The following DGKG variants were observed in gnomAD, a reference collection of about 807,000 sequenced individuals.
DGKG encodes DAG kinase gamma.
DGKG carries 78 observed loss-of-function variants against 105.3 expected under a neutral mutation model. That is an observed-to-expected ratio of 0.74 (90% CI 0.62 to 0.89). The LOEUF (loss-of-function observed/expected upper bound fraction) is 0.89, where lower values mean the gene tolerates loss of function less well. Ranked by LOEUF, DGKG falls within the 40% of genes least tolerant of loss-of-function variation. The pLI is 0.00. For synonymous variants in DGKG, 346 were observed against 367.1 expected (o/e 0.94, Z 0.66); for missense variants, 958 against 1,020.1 (o/e 0.94, Z 0.83).
intron 22 of DGKG, among the ~76,000 whole-genome samples, chr3:186,175,066 G>A (rs1184935310): frequency 2.0e-4 from 30 of 152,306 alleles, no homozygotes; most frequent in Non-Finnish European, 1.5e-5. Context: ...TGGAATTGTG[G>A]TGTCTGTTCT....
chr3:186,148,974 T>A lies in DGKG; in HGVS notation c.*1116A>T, dbSNP rs1715627671. 1 of 733,320 alleles carries A rather than the reference T, an allele frequency of 1.4e-6. No homozygotes were observed. 45.4% of individuals were successfully genotyped at this position (733,320 alleles called of 1,614,324 possible). A position where few individuals can be genotyped will look rare whatever the true frequency, so the allele number is the denominator to read the frequency against. On this transcript the variant is annotated 3_prime_UTR_variant, in exon 25 of 25. Coordinates refer to ENST00000265022, the MANE Select transcript of DGKG (RefSeq NM_001346.3). The stretch of plus-strand genomic sequence containing the variant: ...AAATAAATATTTATATATATATATA[T>A]ATAAATATATAGGCTAAATATATAT...
intron 1 of DGKG, among the ~76,000 whole-genome samples, chr3:186,341,296 A>G (rs1726074082): frequency 6.6e-6 from 1 of 152,234 alleles, no homozygotes; most frequent in South Asian, 2.1e-4. Flanking sequence ...AAGGACTTGC[A>G]TCTACTAAGC....
At position 186,339,564 on chromosome 3, in the gene DGKG, A is replaced by T. The variant is rs548428991; in HGVS notation, c.-248-18857T>A. Among the ~76,000 whole-genome samples, 4 of 152,314 alleles carry T rather than the reference A, an allele frequency of 2.6e-5. No individual in the cohort carries two copies. In the South Asian group the frequency reaches 8.3e-4, roughly 32 times the overall value. On this transcript the variant is annotated intron_variant, in intron 1 of 24. Transcript: ENST00000265022. ...TCAATTTCAATAAAAAATACAGCTA[A>T]TGGGTTCCTCAGTTCAAACTAATTA...
rs749426735 is a variant in DGKG at position 186,279,976 on chromosome 3, G to A, written c.670-3C>T. 6.2e-6 allele frequency: 10 copies of A among 1,613,714 alleles called. No individual in the cohort carries two copies. The highest frequency in any genetic ancestry group is 4.2e-6 in the Non-Finnish European group (5 of 1,179,814). On this transcript the variant is annotated splice_polypyrimidine_tract_variant and splice_region_variant and intron_variant, in intron 8 of 24. Coordinates refer to ENST00000265022, the MANE Select transcript of DGKG (RefSeq NM_001346.3). ...CCTTGCAGCATCTCCTTCAATATCT[G>A]TGGAATCCAAAGAGCAATCATTGTC...
At chr3:186,261,607 G>A in intron 15 of DGKG, 92 bp downstream of exon 15, 3 of 915,300 alleles carry the variant, frequency 3.3e-6, no homozygotes, top group Non-Finnish European at 5.3e-6. Context: ...GAGTCTGCCT[G>A]TCTCCACAGC....
rs80325150 is a variant in DGKG at position 186,235,423 on chromosome 3, A to G, written c.1826+7081T>C. 2.0e-5 allele frequency among the ~76,000 whole-genome samples: 3 copies of G among 152,320 alleles called. No individual in the cohort carries two copies. In the East Asian group the frequency reaches 5.8e-4, roughly 29 times the overall value. On this transcript the variant is annotated intron_variant, in intron 20 of 24. Transcript: ENST00000265022. ...GCCAAATATTAGATGAAGAGAGGCAAAGCCTAATTCAGGGCACAGAATGAA... is the reference window on the plus strand; with the variant it reads ...GCCAAATATTAGATGAAGAGAGGCAGAGCCTAATTCAGGGCACAGAATGAA...
intron 3 of DGKG, among the ~76,000 whole-genome samples, chr3:186,300,118 T>A (rs912668353): frequency 6.6e-6 from 1 of 152,174 alleles, no homozygotes; most frequent in African/African-American, 2.4e-5. Context: ...ATTACTGGCG[T>A]GAGGCACCAT....
chr3:186,155,253 C>T (rs1426872431), intron 24 of DGKG, among the ~76,000 whole-genome samples: 2 of 152,132 alleles, frequency 1.3e-5, no homozygotes, highest in East Asian at 1.9e-4. Context: ...AGTGCAACGG[C>T]GTGATCTCGG....
At chr3:186,196,549 T>C (rs538028510) in intron 21 of DGKG, among the ~76,000 whole-genome samples, 4 of 152,246 alleles carry the variant, frequency 2.6e-5, no homozygotes, top group African/African-American at 9.6e-5. Flanking sequence ...AGGCTAAAGA[T>C]GTTAAGGGAA....
chr3:186,321,457 C>A (rs1477190575), intron 1 of DGKG, among the ~76,000 whole-genome samples: 1 of 152,202 alleles, frequency 6.6e-6, no homozygotes, highest in Non-Finnish European at 1.5e-5. Context: ...GTTATACACC[C>A]ATGGTTATAC....
intron 19 of DGKG, among the ~76,000 whole-genome samples, chr3:186,247,221 T>C (rs1469816941): frequency 6.6e-6 from 1 of 152,146 alleles, no homozygotes; most frequent in Non-Finnish European, 1.5e-5. Flanking sequence ...GTCGTAGCAA[T>C]GAGGGCACAG....
At chr3:186,355,277 C>CT in intron 1 of DGKG, among the ~76,000 whole-genome samples, 1 of 137,132 alleles carries the variant, frequency 7.3e-6, no homozygotes, top group African/African-American at 2.5e-5. Flanking sequence ...CTACCACCAG[C>CT]ACGATCATCA....
chr3:186,288,081 T>C (rs11714635), intron 6 of DGKG, among the ~76,000 whole-genome samples: 84,289 of 151,976 alleles, frequency 0.55, 23,665 homozygotes, highest in East Asian at 0.61. Context: ...AACTTTCTGC[T>C]CCCAGCTCTT....
chr3:186,347,448 CAAA>C (rs576239325), intron 1 of DGKG, among the ~76,000 whole-genome samples: 118 of 51,540 alleles, frequency 2.3e-3, no homozygotes, highest in African/African-American at 7.6e-3. Flanking sequence ...GACTCAGTCT[CAAA>C]AAAAAAAAAA....
At chr3:186,153,220 T>A (rs1429812076) in intron 24 of DGKG, among the ~76,000 whole-genome samples, 1 of 152,134 alleles carries the variant, frequency 6.6e-6, no homozygotes, top group Admixed American at 6.5e-5. Context: ...TATGAAATCA[T>A]ATCCTCATTT....
chr3:186,194,070 C>T (rs1205351804), intron 21 of DGKG, among the ~76,000 whole-genome samples: 1 of 152,236 alleles, frequency 6.6e-6, no homozygotes, highest in Non-Finnish European at 1.5e-5. Flanking sequence ...TGAACCCAGG[C>T]CCGGGAGGCC....
intron 9 of DGKG, among the ~76,000 whole-genome samples, chr3:186,278,283 A>G (rs1722676137): frequency 6.6e-6 from 1 of 152,152 alleles, no homozygotes; most frequent in Non-Finnish European, 1.5e-5. Context: ...GGTGTTTTGG[A>G]ACAGAACTTC....
intron 11 of DGKG, 142 bp downstream of exon 11, chr3:186,272,113 C>T (rs1004618738): frequency 1.9e-5 from 12 of 642,522 alleles, no homozygotes; most frequent in East Asian, 5.6e-5. Context: ...GATGGATGAA[C>T]GGGATGGTTT....
At chr3:186,215,477 G>A (rs928630914) in intron 20 of DGKG, among the ~76,000 whole-genome samples, 1 of 152,020 alleles carries the variant, frequency 6.6e-6, no homozygotes, top group Non-Finnish European at 1.5e-5. Context: ...CTGGGGAGGG[G>A]GATGGGGTGA....
Sources: allele counts gnomAD v4.1 joint callset (sites outside exome capture counted in the v4.1 genomes callset), GRCh38; gene constraint gnomAD v4.1.1; transcripts MANE v1.5; gene names NCBI Gene and HGNC (gene_info 2026-07-23, HGNC 2026-07-21).